RAB2A: variants seen among roughly 807,000 people sequenced by gnomAD.
The protein encoded by RAB2A is ras-related protein Rab-2A.
RAB2A carries 7 observed loss-of-function variants against 32.5 expected under a neutral mutation model. The ratio of observed to expected loss-of-function variants is 0.22; its 90% CI spans 0.12 to 0.40. The LOEUF (loss-of-function observed/expected upper bound fraction) is 0.40, where lower values mean the gene tolerates loss of function less well. Ranked by LOEUF, RAB2A falls within the 10% of genes least tolerant of loss-of-function variation. RAB2A has a pLI of 1.00. For synonymous variants in RAB2A, 79 were observed against 85.2 expected (o/e 0.93, Z 0.40); for missense variants, 108 against 260.7 (o/e 0.41, Z 4.03).
At chr8:60,595,599 A>G (rs1315664868) in intron 6 of RAB2A, among the ~76,000 whole-genome samples, 6 of 152,248 alleles carry the variant, frequency 3.9e-5, no homozygotes, top group Non-Finnish European at 7.3e-5. Context: ...AGCTATATTA[A>G]TATCACATAA....
intron 1 of RAB2A, among the ~76,000 whole-genome samples, chr8:60,549,343 G>C (rs909190066): frequency 2.0e-5 from 3 of 152,226 alleles, no homozygotes; most frequent in Admixed American, 6.5e-5. Context: ...ACTCCAGCCT[G>C]GGCACCATTG....
intron 6 of RAB2A, among the ~76,000 whole-genome samples, chr8:60,599,560 T>G (rs56332284): frequency 0.15 from 22,805 of 152,146 alleles, 1,853 homozygotes; most frequent in East Asian, 0.26. Context: ...CAGGACTGCG[T>G]GATACTGGTA....
chr8:60,519,724 T>G (rs1373368551), intron 1 of RAB2A, among the ~76,000 whole-genome samples: 2 of 152,198 alleles, frequency 1.3e-5, no homozygotes, highest in African/African-American at 4.8e-5. Context: ...TGTATTTCTT[T>G]CAGGAAGAGC....
intron 3 of RAB2A, among the ~76,000 whole-genome samples, chr8:60,576,643 C>T (rs1803638580): frequency 6.6e-6 from 1 of 152,160 alleles, no homozygotes; most frequent in South Asian, 2.1e-4. Context: ...TTACTTTATA[C>T]TCTTGACGTA....
intron 6 of RAB2A, among the ~76,000 whole-genome samples, chr8:60,610,472 A>C (rs919204480): frequency 6.6e-6 from 1 of 152,196 alleles, no homozygotes; most frequent in African/African-American, 2.4e-5. Flanking sequence ...TGAGGTTGTA[A>C]ACTGAAGGCT....
At chr8:60,554,806 T>C (rs1807908981) in intron 1 of RAB2A, among the ~76,000 whole-genome samples, 1 of 152,056 alleles carries the variant, frequency 6.6e-6, no homozygotes, top group Non-Finnish European at 1.5e-5. Flanking sequence ...TGAGCCGAGA[T>C]TGCGCCACTG....
rs1804539398 is a variant in RAB2A at position 60,622,230 on chromosome 8, T to C, written c.*1461T>C. 2.0e-5 allele frequency: 3 copies of C among 152,230 alleles called. No homozygotes were observed. Among genetic ancestry groups the C allele is most frequent in the South Asian group, 2.1e-4 (1 of 4,834 alleles). 9.4% of individuals were successfully genotyped at this position (152,230 alleles called of 1,614,324 possible). A position where few individuals can be genotyped will look rare whatever the true frequency, so the allele number is the denominator to read the frequency against. The stretch of plus-strand genomic sequence containing the variant: ...TCCTGAACTAGCACAAAAGCACTTA[T>C]GCCTGAAAGAAAGCATAAAGAAGTT... On this transcript the variant is annotated 3_prime_UTR_variant, in exon 8 of 8. Transcript: ENST00000262646.
intron 5 of RAB2A, among the ~76,000 whole-genome samples, chr8:60,590,597 T>TA (rs1803926243): frequency 6.8e-6 from 1 of 146,406 alleles, no homozygotes; most frequent in Non-Finnish European, 1.5e-5. Flanking sequence ...TATATATATA[T>TA]AATACATATA....
At chr8:60,519,476 G>C (rs1807268101) in intron 1 of RAB2A, among the ~76,000 whole-genome samples, 1 of 152,136 alleles carries the variant, frequency 6.6e-6, no homozygotes, top group African/African-American at 2.4e-5. Context: ...AGTCTTATCT[G>C]AGTTTTCCGT....
intron 3 of RAB2A, among the ~76,000 whole-genome samples, chr8:60,578,537 A>G (rs1446816304): frequency 6.6e-6 from 1 of 151,004 alleles, no homozygotes; most frequent in East Asian, 1.9e-4. Context: ...TAGACAAGAT[A>G]TCAGTAGAAA....
chr8:60,526,306 C>T (rs542908627), intron 1 of RAB2A, among the ~76,000 whole-genome samples: 325 of 152,106 alleles, frequency 2.1e-3, no homozygotes, highest in Non-Finnish European at 3.4e-3. Flanking sequence ...GAGCTTTTCC[C>T]GACTTCTAGA....
chr8:60,570,160 G>C lies in RAB2A; in HGVS notation c.119-1886G>C. On this transcript the variant is annotated intron_variant, in intron 2 of 7. Transcript: ENST00000262646. ...TGCCTTCCTTACCTGCTCACCCTTG[G>C]TATCAGCAGCATTGATGGGTCTGTT... is the stretch of plus-strand genomic sequence containing the variant. 5.1e-6 allele frequency: 2 copies of C among 395,942 alleles called. 1 individual carries two copies. Among genetic ancestry groups the C allele is most frequent in the South Asian group, 3.6e-5 (2 of 54,940 alleles). 24.5% of individuals were successfully genotyped at this position (395,942 alleles called of 1,614,324 possible).
chr8:60,535,697 A>G (rs376810795), intron 1 of RAB2A, among the ~76,000 whole-genome samples: 2 of 152,196 alleles, frequency 1.3e-5, no homozygotes, highest in South Asian at 4.1e-4. Context: ...AAGTTTGAAA[A>G]TGGGCAAAAT....
chr8:60,606,369 C>T (rs533748954), intron 6 of RAB2A, among the ~76,000 whole-genome samples: 1 of 152,300 alleles, frequency 6.6e-6, no homozygotes, highest in African/African-American at 2.4e-5. Context: ...ACAGTGAATA[C>T]TCTTAAATAT....
chr8:60,589,760 G>A (rs772722802), intron 5 of RAB2A, among the ~76,000 whole-genome samples: 14 of 152,164 alleles, frequency 9.2e-5, no homozygotes, highest in South Asian at 6.2e-4. Context: ...TAAGTATATC[G>A]TCAAGTACTA....
rs950429979 is a variant in RAB2A, at chr8:60,623,459, A to G, written c.*2690A>G. 1 of 152,216 alleles carries G rather than the reference A, an allele frequency of 6.6e-6. No individual in the cohort carries two copies. The highest frequency in any genetic ancestry group is 1.5e-5 in the Non-Finnish European group (1 of 68,036). The allele number at this position is 152,216 out of a possible 1,614,324, so 9.4% of individuals were successfully genotyped here. ...CAGTTTATTTAGTCCTGAGGTTGGCAGCATGGGGTTTGACTATATGAGCTA... is the reference window on the plus strand; with the variant it reads ...CAGTTTATTTAGTCCTGAGGTTGGCGGCATGGGGTTTGACTATATGAGCTA... On this transcript the variant is annotated 3_prime_UTR_variant, in exon 8 of 8. Transcript: ENST00000262646.
intron 2 of RAB2A, among the ~76,000 whole-genome samples, chr8:60,562,610 T>G (rs1033803732): frequency 2.0e-5 from 3 of 152,196 alleles, no homozygotes; most frequent in African/African-American, 7.2e-5. Flanking sequence ...AGTCTCAATA[T>G]TTAAGATGTT....
chr8:60,597,010 G>A (rs1365892005), intron 6 of RAB2A, among the ~76,000 whole-genome samples: 1 of 152,206 alleles, frequency 6.6e-6, no homozygotes, highest in Non-Finnish European at 1.5e-5. Flanking sequence ...GGGTAATTCA[G>A]TTCAACCATT....
chr8:60,518,406 C>T (rs1807245364), intron 1 of RAB2A, among the ~76,000 whole-genome samples: 2 of 151,824 alleles, frequency 1.3e-5, no homozygotes, highest in Non-Finnish European at 2.9e-5. Flanking sequence ...CCTGTAATCC[C>T]AGCACTTTCG....
Sources: gnomAD v4.1 joint callset for allele counts (sites outside exome capture counted in the v4.1 genomes callset) on GRCh38, gnomAD v4.1.1 for gene constraint, MANE v1.5 for transcripts, NCBI Gene and HGNC (gene_info 2026-07-23, HGNC 2026-07-21) for gene names.